ROBO2: variants seen among roughly 807,000 people sequenced by gnomAD.
ROBO2 encodes roundabout guidance receptor 2.
In ROBO2, 53 loss-of-function variants were observed where a neutral mutation model predicts 160.8. The observed-to-expected ratio is 0.33, with a 90% CI of 0.26 to 0.41. ROBO2 has a LOEUF of 0.41. Ranked by LOEUF, ROBO2 falls within the 10% of genes least tolerant of loss-of-function variation. ROBO2 has a pLI of 1.00. For missense variants in ROBO2, 1,577 were observed against 1,722.4 expected (o/e 0.92, Z 1.49); for synonymous variants, 664 against 611.7 (o/e 1.09, Z -1.26).
intron 9 of ROBO2, 70 bp from the exon 11 acceptor site, chr3:77,562,581 G>T (rs2093356108): frequency 9.5e-7 from 1 of 1,056,236 alleles, no homozygotes; most frequent in Non-Finnish European, 1.5e-6. Flanking sequence ...AATATTGCCT[G>T]GCTGTCATTG....
At chr3:76,126,719 A>G (rs950414929) in intron 2 of ROBO2, among the ~76,000 whole-genome samples, 2 of 152,146 alleles carry the variant, frequency 1.3e-5, no homozygotes, top group African/African-American at 4.8e-5. Flanking sequence ...CTTACTTTTG[A>G]GGGAATACAG....
intron 2 of ROBO2, among the ~76,000 whole-genome samples, chr3:76,045,363 A>G (rs2107786670): frequency 6.6e-6 from 1 of 152,112 alleles, no homozygotes. Context: ...TGGAATGGAC[A>G]TGAGCTGGGA....
At chr3:77,620,896 T>C (rs2094886518) in intron 22 of ROBO2, among the ~76,000 whole-genome samples, 1 of 152,208 alleles carries the variant, frequency 6.6e-6, no homozygotes, top group Non-Finnish European at 1.5e-5. Flanking sequence ...GCCTTTTAAA[T>C]ACCTTTTATA....
chr3:76,063,341 C>A (rs2068129290), intron 2 of ROBO2, among the ~76,000 whole-genome samples: 1 of 145,074 alleles, frequency 6.9e-6, no homozygotes, highest in Non-Finnish European at 1.5e-5. Flanking sequence ...CTGCCCTCCT[C>A]CCTTTTTTTT....
At chr3:77,251,484 C>T (rs537712596) in intron 2 of ROBO2, among the ~76,000 whole-genome samples, 2 of 152,272 alleles carry the variant, frequency 1.3e-5, no homozygotes, top group South Asian at 2.1e-4. Flanking sequence ...CTTAGAAGAT[C>T]TCAGAATTGC....
intron 2 of ROBO2, among the ~76,000 whole-genome samples, chr3:76,690,254 T>C (rs2092772912): frequency 6.6e-6 from 1 of 151,878 alleles, no homozygotes. Context: ...TATTAAGGAG[T>C]TGGTCCTTGC....
At chr3:76,342,118 C>T (rs1057323902) in intron 2 of ROBO2, among the ~76,000 whole-genome samples, 1 of 152,234 alleles carries the variant, frequency 6.6e-6, no homozygotes. Context: ...TGTTGGTCCC[C>T]ATGAACTTCC....
chr3:77,064,572 G>T (rs1224403310), intron 1 of ROBO2, among the ~76,000 whole-genome samples: 3 of 151,662 alleles, frequency 2.0e-5, no homozygotes, highest in Non-Finnish European at 2.9e-5. Flanking sequence ...TATTGGCCCG[G>T]CTGGTCTTGA....
intron 2 of ROBO2, among the ~76,000 whole-genome samples, chr3:76,196,048 T>C (rs1204468083): frequency 6.6e-6 from 1 of 152,148 alleles, no homozygotes; most frequent in Non-Finnish European, 1.5e-5. Flanking sequence ...ACACACTCTT[T>C]GTCACAGACA....
At chr3:76,032,581 A>G (rs2066961898) in intron 2 of ROBO2, among the ~76,000 whole-genome samples, 1 of 152,174 alleles carries the variant, frequency 6.6e-6, no homozygotes, top group East Asian at 1.9e-4. Flanking sequence ...GGTTTCAAAG[A>G]ACATCTTTAT....
intron 2 of ROBO2, among the ~76,000 whole-genome samples, chr3:77,212,857 G>T (rs2084373886): frequency 6.6e-6 from 1 of 152,148 alleles, no homozygotes; most frequent in Non-Finnish European, 1.5e-5. Flanking sequence ...CTTTGGTTCT[G>T]TTTGTATGCT....
At position 77,005,351 on chromosome 3, in the gene ROBO2, A is replaced by G. The variant is rs1167205410; in HGVS notation, c.110-92663A>G. Among the ~76,000 whole-genome samples the G allele has an allele frequency of 3.3e-5, 5 of 152,160 alleles. No homozygotes were observed. In the East Asian group the frequency reaches 9.6e-4, roughly 29 times the overall value. On this transcript the variant is annotated intron_variant, in intron 2 of 26. Transcript: ENST00000487694. Reference sequence around the variant, plus strand: ...CAGTTTTTGGAACAGATTTGATCCTATTATCCTATTAATTGCCAATAATGG... The same window carrying G: ...CAGTTTTTGGAACAGATTTGATCCTGTTATCCTATTAATTGCCAATAATGG...
In ROBO2 at chr3:76,264,413, T is replaced by C. The variant is rs1914039; in HGVS notation, c.109+326811T>C. 9.0e-3 allele frequency among the ~76,000 whole-genome samples: 1,367 copies of C among 152,096 alleles called. 12 individuals are homozygous for C. The highest frequency in any genetic ancestry group is 0.028 in the African/African-American group (1,174 of 41,480). On this transcript the variant is annotated intron_variant, in intron 2 of 26. Coordinates refer to the ROBO2 transcript ENST00000487694. ...ACATCCATGCACCTTTCCTCGTTAT[T>C]ATAGCTCCTACTTTATAGTACATTT...
intron 2 of ROBO2, among the ~76,000 whole-genome samples, chr3:76,036,427 G>C (rs1055262188): frequency 2.0e-5 from 3 of 151,862 alleles, no homozygotes; most frequent in African/African-American, 7.3e-5. Flanking sequence ...TGGGATTACA[G>C]GCGTGAGCCA....
At chr3:77,177,955 G>A (rs1434187687) in intron 2 of ROBO2, among the ~76,000 whole-genome samples, 1 of 151,768 alleles carries the variant, frequency 6.6e-6, no homozygotes, top group Non-Finnish European at 1.5e-5. Flanking sequence ...CCTTCATTCA[G>A]CTAATATTTT....
chr3:77,185,161 GAGGAC>G (rs1259822857), intron 2 of ROBO2, among the ~76,000 whole-genome samples: 1 of 152,002 alleles, frequency 6.6e-6, no homozygotes, highest in Non-Finnish European at 1.5e-5. Flanking sequence ...CATCAAAAAT[GAGGAC>G]AGGAGTCAGT....
chr3:77,584,273 C>T (rs895759235), intron 16 of ROBO2, among the ~76,000 whole-genome samples: 5 of 152,058 alleles, frequency 3.3e-5, no homozygotes, highest in East Asian at 1.9e-4. Flanking sequence ...GTATGGATTG[C>T]GGTGCTCCCT....
At chr3:77,559,156 C>G (rs750199502) in intron 9 of ROBO2, among the ~76,000 whole-genome samples, 6 of 152,046 alleles carry the variant, frequency 3.9e-5, no homozygotes, top group Non-Finnish European at 8.8e-5. Context: ...GGAAGAGAGT[C>G]TCCTAGTAAG....
chr3:76,385,066 C>T (rs774951927), intron 2 of ROBO2, among the ~76,000 whole-genome samples: 1 of 152,110 alleles, frequency 6.6e-6, no homozygotes, highest in Non-Finnish European at 1.5e-5. Context: ...GCAATTATGG[C>T]TCACTGCAGC....
Sources: gnomAD v4.1 joint callset for allele counts (sites outside exome capture counted in the v4.1 genomes callset) on GRCh38, gnomAD v4.1.1 for gene constraint, MANE v1.5 for transcripts, NCBI Gene and HGNC (gene_info 2026-07-23, HGNC 2026-07-21) for gene names.